The following UBE2R2 variants were observed in gnomAD, a reference collection of about 807,000 sequenced individuals.
UBE2R2 encodes the protein ubiquitin-conjugating enzyme E2 R2.
In UBE2R2, 1 loss-of-function variant was observed where a neutral mutation model predicts 27.8. The ratio of observed to expected loss-of-function variants is 0.04; its 90% CI spans 0.01 to 0.17. The LOEUF (loss-of-function observed/expected upper bound fraction) is 0.17, where lower values mean the gene tolerates loss of function less well. Among genes scored for constraint, UBE2R2 ranks in the 10% least tolerant of loss-of-function variants. UBE2R2 has a pLI of 1.00. For synonymous variants in UBE2R2, 106 were observed against 113.3 expected, an observed-to-expected ratio of 0.94 and a Z score of 0.41; for missense variants, 100 against 291.0, an observed-to-expected ratio of 0.34 and a Z score of 4.78.
chr9:33,829,053 T>C (rs1319166996), intron 1 of UBE2R2, among the ~76,000 whole-genome samples: 3 of 152,042 alleles, frequency 2.0e-5, no homozygotes, highest in Non-Finnish European at 2.9e-5. Flanking sequence ...GTATTTTTAG[T>C]AGAGACAGGG....
chr9:33,828,584 T>A (rs746421181), intron 1 of UBE2R2, among the ~76,000 whole-genome samples: 1 of 151,190 alleles, frequency 6.6e-6, no homozygotes, highest in Non-Finnish European at 1.5e-5. Context: ...ATATTTGAGA[T>A]CAAGTCTCGC....
At chr9:33,854,132 G>T (rs934655878) in intron 1 of UBE2R2, among the ~76,000 whole-genome samples, 3 of 151,850 alleles carry the variant, frequency 2.0e-5, no homozygotes, top group Admixed American at 2.0e-4. Flanking sequence ...AAATATATTG[G>T]TTTTTTAACA....
In UBE2R2 at chr9:33,919,538, T is replaced by G. The variant is rs1333015750; in HGVS notation, c.*2301T>G. ...GTGGAGGTTGTACCTTTCAGCCCTT[T>G]GGGGTGTTAAAAGTGTCAAGGGCTG... On this transcript the variant is annotated 3_prime_UTR_variant, in exon 5 of 5. Transcript: ENST00000263228. The G allele has an allele frequency of 6.6e-6, 1 of 152,132 alleles. No individual in the cohort carries two copies. The highest frequency in any genetic ancestry group is 1.5e-5 in the Non-Finnish European group (1 of 68,052). The allele number at this position is 152,132 out of a possible 1,614,324, so 9.4% of individuals were successfully genotyped here. A position where few individuals can be genotyped will look rare whatever the true frequency, so the allele number is the denominator to read the frequency against.
At chr9:33,824,407 C>T (rs1235259710) in intron 1 of UBE2R2, among the ~76,000 whole-genome samples, 11 of 151,868 alleles carry the variant, frequency 7.2e-5, no homozygotes, top group East Asian at 1.9e-4. Context: ...GAGGCCGAGG[C>T]GGGCGGATCA....
chr9:33,860,718 TAGTG>T (rs889447048), intron 1 of UBE2R2, among the ~76,000 whole-genome samples: 66 of 152,050 alleles, frequency 4.3e-4, no homozygotes, highest in African/African-American at 1.5e-3. Flanking sequence ...CTGGGCAACA[TAGTG>T]AGATCCCATC....
intron 1 of UBE2R2, among the ~76,000 whole-genome samples, chr9:33,832,801 A>G (rs1387431449): frequency 6.6e-6 from 1 of 152,124 alleles, no homozygotes; most frequent in African/African-American, 2.4e-5. Context: ...AGTCAGGTTT[A>G]TGGAGGTATA....
At chr9:33,876,031 T>A (rs1329437347) in intron 1 of UBE2R2, among the ~76,000 whole-genome samples, 1 of 152,184 alleles carries the variant, frequency 6.6e-6, no homozygotes, top group Admixed American at 6.5e-5. Context: ...CATAGGTAAC[T>A]ATAGGTCACC....
At chr9:33,900,387 GTTTC>G in intron 3 of UBE2R2, 116 bp downstream of exon 3, 1 of 687,262 alleles carries the variant, frequency 1.5e-6, no homozygotes, top group Non-Finnish European at 2.4e-6. Context: ...CTTATATTCA[GTTTC>G]TTTGTCTTTA....
At chr9:33,913,768 G>A (rs1176394800) in intron 4 of UBE2R2, among the ~76,000 whole-genome samples, 1 of 152,160 alleles carries the variant, frequency 6.6e-6, no homozygotes, top group Non-Finnish European at 1.5e-5. Context: ...TATAAAATCA[G>A]CAGTTCTAAG....
chr9:33,887,643 C>CTTTT (rs750747902), intron 2 of UBE2R2, among the ~76,000 whole-genome samples: 1 of 139,850 alleles, frequency 7.2e-6, no homozygotes, highest in Non-Finnish European at 1.6e-5. Context: ...TATAAGTGTG[C>CTTTT]TTTTTTGTTT....
intron 2 of UBE2R2, among the ~76,000 whole-genome samples, chr9:33,888,615 C>T (rs916126614): frequency 6.6e-6 from 1 of 152,194 alleles, no homozygotes; most frequent in Non-Finnish European, 1.5e-5. Context: ...CTCCTGGGTT[C>T]AAGCGATTCT....
chr9:33,856,529 C>T (rs987112768), intron 1 of UBE2R2, among the ~76,000 whole-genome samples: 2 of 152,092 alleles, frequency 1.3e-5, no homozygotes, highest in African/African-American at 4.8e-5. Flanking sequence ...TTAGCTCTTT[C>T]ATACCACTCA....
At chr9:33,877,823 G>GTCTGTCTGTCTATCTCTCTT in intron 1 of UBE2R2, among the ~76,000 whole-genome samples, 1 of 131,102 alleles carries the variant, frequency 7.6e-6, no homozygotes, top group African/African-American at 3.3e-5. Flanking sequence ...CTGTCTGTCT[G>GTCTGTCTGTCTATCTCTCTT]TCTCTCTCTC....
At chr9:33,839,095 A>C in intron 1 of UBE2R2, among the ~76,000 whole-genome samples, 2 of 151,368 alleles carry the variant, frequency 1.3e-5, no homozygotes, top group African/African-American at 2.4e-5. Flanking sequence ...AAAAAAAAAA[A>C]AAAGTTGCTG....
At chr9:33,876,251 G>A (rs1042870746) in intron 1 of UBE2R2, among the ~76,000 whole-genome samples, 1 of 152,142 alleles carries the variant, frequency 6.6e-6, no homozygotes, top group Non-Finnish European at 1.5e-5. Context: ...AGCTACTCGA[G>A]AGACTGAAAC....
chr9:33,919,022 ACAAG>A lies in UBE2R2; in HGVS notation c.*1790_*1793del, dbSNP rs1406319158. 5 of 152,600 alleles carry A rather than the reference ACAAG, an allele frequency of 3.3e-5. No individual in the cohort carries two copies. Among genetic ancestry groups the A allele is most frequent in the Admixed American group, 2.0e-4 (3 of 15,260 alleles). The allele number at this position is 152,600 out of a possible 1,614,324, so 9.5% of individuals were successfully genotyped here. On this transcript the variant is annotated 3_prime_UTR_variant, in exon 5 of 5. Transcript: ENST00000263228. ...GTCTGGTATGAAATGGGACTGTTTAACAAGCAAGGCTCTTAGGGGACACTGTTGA... is the reference window on the plus strand; with the variant it reads ...GTCTGGTATGAAATGGGACTGTTTAACAAGGCTCTTAGGGGACACTGTTGA...
intron 4 of UBE2R2, among the ~76,000 whole-genome samples, chr9:33,916,331 A>G (rs1822641330): frequency 6.6e-6 from 1 of 151,990 alleles, no homozygotes. Context: ...ACAGAGCAAG[A>G]CTCCGTCTTG....
intron 1 of UBE2R2, among the ~76,000 whole-genome samples, chr9:33,875,729 C>A (rs1821588749): frequency 6.6e-6 from 1 of 152,004 alleles, no homozygotes. Flanking sequence ...AGGTCAGAGG[C>A]CTAGCAAAGA....
intron 3 of UBE2R2, among the ~76,000 whole-genome samples, chr9:33,910,405 C>G (rs1822458374): frequency 1.3e-5 from 2 of 152,202 alleles, no homozygotes; most frequent in African/African-American, 4.8e-5. Context: ...CCTCAGCCTC[C>G]CAAAGTGCTG....
Sources: allele counts gnomAD v4.1 joint callset (sites outside exome capture counted in the v4.1 genomes callset), GRCh38; gene constraint gnomAD v4.1.1; transcripts MANE v1.5; gene names NCBI Gene and HGNC (gene_info 2026-07-23, HGNC 2026-07-21).